SDHAF4: variants seen among roughly 807,000 people sequenced by gnomAD.
The protein encoded by SDHAF4 is succinate dehydrogenase complex assembly factor 4.
In SDHAF4, 14 loss-of-function variants were observed where a neutral mutation model predicts 14.3. The observed-to-expected ratio is 0.98, with a 90% CI of 0.65 to 1.53. The LOEUF (loss-of-function observed/expected upper bound fraction) is 1.53. Ranked by LOEUF, SDHAF4 falls within the 40% of genes most tolerant of loss-of-function variation. The pLI is 0.00. For missense variants in SDHAF4, 141 were observed against 129.3 expected, an observed-to-expected ratio of 1.09 and a Z score of -0.44; for synonymous variants, 63 against 47.3, an observed-to-expected ratio of 1.33 and a Z score of -1.36.
intron 1 of SDHAF4, among the ~76,000 whole-genome samples, chr6:70,571,395 A>G (rs556697700): frequency 8.6e-5 from 13 of 150,326 alleles, no homozygotes; most frequent in Non-Finnish European, 1.6e-4. Flanking sequence ...ATACACTGAA[A>G]CCCCTGCCTC....
At chr6:70,575,022 G>A (rs1416442171) in intron 1 of SDHAF4, among the ~76,000 whole-genome samples, 1 of 152,172 alleles carries the variant, frequency 6.6e-6, no homozygotes, top group African/African-American at 2.4e-5. Context: ...TTTAGCTTGA[G>A]TTTAAGAGAC....
chr6:70,570,020 G>A lies in SDHAF4; in HGVS notation c.64+3016G>A, dbSNP rs1021229409. On this transcript the variant is annotated intron_variant, in intron 1 of 2. Transcript: ENST00000370474. ...GACCTTTCCCCTACTGATATAATGC[G>A]AGCCATCATAAATCAAGTTTACTTA... is the stretch of plus-strand genomic sequence containing the variant. Among the ~76,000 whole-genome samples, 3 of 151,970 alleles carry A rather than the reference G, an allele frequency of 2.0e-5. 1 individual carries two copies. The highest frequency in any genetic ancestry group is 3.2e-3 in the Middle Eastern group (1 of 316).
the SDHAF4 span, among the ~76,000 whole-genome samples, chr6:70,596,170 T>C: frequency 6.6e-6 from 1 of 152,192 alleles, no homozygotes; most frequent in Non-Finnish European, 1.5e-5. Flanking sequence ...GCGGTAGCCA[T>C]GGAAATGCAT....
intron 2 of SDHAF4, among the ~76,000 whole-genome samples, chr6:70,580,054 G>T (rs1429619706): frequency 3.5e-5 from 5 of 143,394 alleles, no homozygotes; most frequent in African/African-American, 1.5e-4. Context: ...GAATAATGAG[G>T]TATGATAAAT....
At chr6:70,573,264 CTT>C (rs202098262) in intron 1 of SDHAF4, among the ~76,000 whole-genome samples, 5 of 110,388 alleles carry the variant, frequency 4.5e-5, no homozygotes, top group Admixed American at 9.5e-5. Flanking sequence ...GCTATTTGGC[CTT>C]TTTTTTTTTT....
At chr6:70,577,950 T>G (rs562111030) in intron 1 of SDHAF4, among the ~76,000 whole-genome samples, 2 of 152,364 alleles carry the variant, frequency 1.3e-5, no homozygotes, top group South Asian at 4.1e-4. Context: ...ATGTACCACA[T>G]TTTCTTTATC....
chr6:70,582,833 T>C (rs1162440152), intron 2 of SDHAF4, among the ~76,000 whole-genome samples: 5 of 152,222 alleles, frequency 3.3e-5, no homozygotes, highest in African/African-American at 4.8e-5. Context: ...CCTCGTTTCC[T>C]TCCTTCTAGT....
At chr6:70,571,114 A>G (rs1802172894) in intron 1 of SDHAF4, among the ~76,000 whole-genome samples, 1 of 151,730 alleles carries the variant, frequency 6.6e-6, no homozygotes, top group African/African-American at 2.4e-5. Context: ...TTGTTTATGT[A>G]TTTGTATTTG....
chr6:70,570,177 CTG>C (rs1289977133), intron 1 of SDHAF4, among the ~76,000 whole-genome samples: 3 of 152,122 alleles, frequency 2.0e-5, no homozygotes, highest in African/African-American at 2.4e-5. Flanking sequence ...TATTTTCTGA[CTG>C]TTGTTTATGT....
rs993802077 is a variant in SDHAF4, at chr6:70,578,857, T to C, written c.65-557T>C. 3.9e-5 allele frequency among the ~76,000 whole-genome samples: 6 copies of C among 152,122 alleles called. No individual in the cohort carries two copies. The South Asian group carries it at 6.2e-4, about 16-fold the overall frequency. On this transcript the variant is annotated intron_variant, in intron 1 of 2. Transcript: ENST00000370474. Reference sequence around the variant, plus strand: ...GGACTTCTTTCCCCATAAAACAATCTTTTTTTAGAGACATGGTCTCACTAT... The same window carrying C: ...GGACTTCTTTCCCCATAAAACAATCCTTTTTTAGAGACATGGTCTCACTAT...
intron 2 of SDHAF4, among the ~76,000 whole-genome samples, chr6:70,588,075 AG>A (rs1292863631): frequency 6.6e-6 from 1 of 152,212 alleles, no homozygotes; most frequent in African/African-American, 2.4e-5. Context: ...ACTCCTTCAA[AG>A]TAATCTTATT....
chr6:70,577,251 C>G (rs12200777), intron 1 of SDHAF4, among the ~76,000 whole-genome samples: 20,405 of 152,158 alleles, frequency 0.13, 1,596 homozygotes, highest in Middle Eastern at 0.2. Flanking sequence ...AAATTCTTCA[C>G]CGTGTAACCA....
At position 70,588,828 on chromosome 6, in the gene SDHAF4, G is replaced by A. The variant is rs1336705193; in HGVS notation, c.*104G>A. On this transcript the variant is annotated 3_prime_UTR_variant, in exon 3 of 3. Transcript: ENST00000370474. ...TTATATCCTTTATGTCGTGTAGTTTGTATAATGTGTTTAAATATATATATA... is the reference window on the plus strand; with the variant it reads ...TTATATCCTTTATGTCGTGTAGTTTATATAATGTGTTTAAATATATATATA... 1 of 415,722 alleles carries A rather than the reference G, an allele frequency of 2.4e-6. No homozygotes were observed. Among genetic ancestry groups the A allele is most frequent in the Non-Finnish European group, 4.2e-6 (1 of 236,964 alleles). The allele number at this position is 415,722 out of a possible 1,614,324, so 25.8% of individuals were successfully genotyped here.
intron 1 of SDHAF4, among the ~76,000 whole-genome samples, chr6:70,572,105 G>T (rs1287364690): frequency 2.0e-5 from 2 of 101,084 alleles, no homozygotes; most frequent in African/African-American, 7.9e-5. Flanking sequence ...GTCTTGCTCT[G>T]TCGCCCAGGC....
intron 2 of SDHAF4, among the ~76,000 whole-genome samples, chr6:70,583,189 C>T (rs1056837127): frequency 2.0e-5 from 3 of 152,172 alleles, no homozygotes; most frequent in South Asian, 4.1e-4. Flanking sequence ...TTCAGCTCAC[C>T]GCAACCTCCG....
intron 2 of SDHAF4, among the ~76,000 whole-genome samples, chr6:70,583,455 G>T (rs1330729031): frequency 6.6e-6 from 1 of 152,154 alleles, no homozygotes; most frequent in Non-Finnish European, 1.5e-5. Flanking sequence ...GTGGTGAGGA[G>T]ACATTTCAAA....
chr6:70,594,915 A>G, the SDHAF4 span, among the ~76,000 whole-genome samples: 184 of 64,464 alleles, frequency 2.9e-3, no homozygotes, highest in African/African-American at 0.011. Flanking sequence ...TCCATCTCAG[A>G]AAAAAAAAAA....
rs749559034 is a variant in SDHAF4 at position 70,588,716 on chromosome 6, G to C, written c.319G>C (p.Asp107His). ...TTGGGAACGAAAAGGACGCTGTATTGATTTTTAAGTCGCATATTCTTTAAC... is the reference window on the plus strand; with the variant it reads ...TTGGGAACGAAAAGGACGCTGTATTCATTTTTAAGTCGCATATTCTTTAAC... ...GDWERKGRCI[D>H]F The change falls in exon 3 of 3, where the codon GAT becomes CAT. Residue 107 changes from aspartate (D) to histidine (H), a missense_variant. By Grantham distance (81) the Asp-to-His change is moderately conservative. Transcript: ENST00000370474. 1.3e-6 allele frequency: 2 copies of C among 1,593,168 alleles called. No homozygotes were observed. Among genetic ancestry groups the C allele is most frequent in the Admixed American group, 3.4e-5 (2 of 59,188 alleles).
intron 1 of SDHAF4, among the ~76,000 whole-genome samples, chr6:70,577,399 C>G (rs1802269589): frequency 6.6e-6 from 1 of 152,164 alleles, no homozygotes; most frequent in Non-Finnish European, 1.5e-5. Flanking sequence ...CTGGAAACCC[C>G]TAACGCTGAG....
Sources: gnomAD v4.1 joint callset for allele counts (sites outside exome capture counted in the v4.1 genomes callset) on GRCh38, gnomAD v4.1.1 for gene constraint, MANE v1.5 for transcripts, NCBI Gene and HGNC (gene_info 2026-07-23, HGNC 2026-07-21) for gene names.